Variants in NBN observed in about 807,000 individuals in gnomAD.
The protein encoded by NBN is nibrin, also known as Nijmegen breakage syndrome 1 (nibrin).
In NBN, 88 loss-of-function variants were observed where a neutral mutation model predicts 90.8. That is an observed-to-expected ratio of 0.97 (90% CI 0.82 to 1.16). The LOEUF is 1.16. Among genes scored for constraint, NBN ranks in the 50% most tolerant of loss-of-function variants. The pLI is 0.00. For missense variants in NBN, 894 were observed against 869.6 expected, an observed-to-expected ratio of 1.03 and a Z score of -0.35; for synonymous variants, 328 against 295.1, an observed-to-expected ratio of 1.11 and a Z score of -1.14.
intron 4 of NBN, among the ~76,000 whole-genome samples, chr8:89,979,402 A>G (rs1037291222): frequency 4.6e-5 from 7 of 152,262 alleles, no homozygotes; most frequent in Non-Finnish European, 1.0e-4. Flanking sequence ...ATAAACTAGC[A>G]TGAACCAGTA....
At position 89,982,829 on chromosome 8, in the gene NBN, C is replaced by T. The variant is rs369910645; in HGVS notation, c.64G>A (p.Val22Ile). 8 of 1,613,368 alleles carry T rather than the reference C, an allele frequency of 5.0e-6. No homozygotes were observed. Among genetic ancestry groups the T allele is most frequent in the Non-Finnish European group, 5.9e-6 (7 of 1,179,626 alleles). Residue 22 changes from valine (V) to isoleucine (I), a missense_variant, in exon 2 of 16, where the codon GTT becomes ATT. Transcript: ENST00000265433. Reference protein sequence around the residue: ...GGEPYRLLTGVEYVVGRKNCA... With the variant: ...GGEPYRLLTGIEYVVGRKNCA... ...TTTTTCCTTCCAACAACGTACTCAA[C>T]GCCAGTCAAAAGTCTGTATGGTTCT...
chr8:89,971,200 T>A lies in NBN; in HGVS notation c.675A>T (p.Lys225Asn). Reference sequence around the variant, plus strand: ...GTTTGGCATTCAAAAATATAAATGTTTTCCCTTTGAAGATTTGTTTTCTTT... The same window carrying A: ...GTTTGGCATTCAAAAATATAAATGTATTCCCTTTGAAGATTTGTTTTCTTT... ...RQERKQIFKG[K>N]TFIFLNAKQH... is the part of the protein sequence containing the mutation. Residue 225 changes from lysine to asparagine, a missense_variant, in exon 6 of 16, where the codon AAA (lysine) becomes AAT (asparagine). By Grantham distance (94) the Lys-to-Asn change is moderately conservative. Coordinates refer to ENST00000265433, the MANE Select transcript of NBN (RefSeq NM_002485.5). 1.9e-6 allele frequency: 3 copies of A among 1,613,102 alleles called. No individual in the cohort carries two copies. Among genetic ancestry groups the A allele is most frequent in the Non-Finnish European group, 2.5e-6 (3 of 1,179,408 alleles).
intron 5 of NBN, 88 bp from the exon 6 acceptor site, chr8:89,971,378 G>C: frequency 1.4e-6 from 2 of 1,414,362 alleles, no homozygotes; most frequent in Non-Finnish European, 1.9e-6. Flanking sequence ...ACACTCAAAA[G>C]GCATAATTTC....
chr8:89,958,009 C>A (rs1327178116), intron 9 of NBN, among the ~76,000 whole-genome samples: 1 of 152,164 alleles, frequency 6.6e-6, no homozygotes, highest in Non-Finnish European at 1.5e-5. Context: ...TTTCCTGCAA[C>A]TAGTCAGTCC....
intron 5 of NBN, among the ~76,000 whole-genome samples, chr8:89,972,308 G>T (rs1390652759): frequency 6.6e-6 from 1 of 152,188 alleles, no homozygotes; most frequent in Non-Finnish European, 1.5e-5. Flanking sequence ...GATAACTGAT[G>T]CATGTATTTT....
intron 14 of NBN, among the ~76,000 whole-genome samples, chr8:89,938,152 A>C (rs968962967): frequency 6.6e-6 from 1 of 152,120 alleles, no homozygotes; most frequent in Non-Finnish European, 1.5e-5. Flanking sequence ...TTCTGTTATA[A>C]TTATTTATAT....
chr8:89,933,509 T>C lies in NBN; in HGVS notation c.*2073A>G, dbSNP rs938048531. On this transcript the variant is annotated 3_prime_UTR_variant, in exon 16 of 16. Transcript: ENST00000265433. Reference sequence around the variant, plus strand: ...TTATGGTTAATTGATTTTTTACTAATTGGCAAGGTAATTTAATGAGGAAAG... The same window carrying C: ...TTATGGTTAATTGATTTTTTACTAACTGGCAAGGTAATTTAATGAGGAAAG... 2 of 230,686 alleles carry C rather than the reference T, an allele frequency of 8.7e-6. No homozygotes were observed. Among genetic ancestry groups the C allele is most frequent in the African/African-American group, 2.2e-5 (1 of 45,160 alleles). 14.3% of individuals were successfully genotyped at this position (230,686 alleles called of 1,614,324 possible).
intron 6 of NBN, 65 bp from the exon 7 acceptor site, chr8:89,970,622 G>C: frequency 6.9e-7 from 1 of 1,456,310 alleles, no homozygotes; most frequent in Non-Finnish European, 9.6e-7. Flanking sequence ...ATAAGAATTT[G>C]ATTTGGGAAA....
In NBN at chr8:89,953,605, G is replaced by A. The variant is rs863224714; in HGVS notation, c.1484C>T (p.Pro495Leu). The change falls in exon 11 of 16, where the codon CCT (proline) becomes CTT (leucine). Residue 495 changes from proline to leucine, a missense_variant. Coordinates refer to ENST00000265433, the MANE Select transcript of NBN (RefSeq NM_002485.5). The part of the protein sequence containing the change: ...TSCSLLEQTQ[P>L]ATPSLWKNKE... Reference sequence around the variant, plus strand: ...ATTTTTCCACAATGAGGGTGTAGCAGGTTGTGTTTGTTCTAAAAGAGAACA... The same window carrying A: ...ATTTTTCCACAATGAGGGTGTAGCAAGTTGTGTTTGTTCTAAAAGAGAACA... The A allele has an allele frequency of 1.1e-5, 17 of 1,613,292 alleles. No individual in the cohort carries two copies. The highest frequency in any genetic ancestry group is 1.4e-5 in the Non-Finnish European group (17 of 1,179,646).
rs569798714 is a variant in NBN, at chr8:89,950,550, G to A, written c.1846-2658C>T. 2.4e-4 allele frequency among the ~76,000 whole-genome samples: 36 copies of A among 152,052 alleles called. No individual in the cohort carries two copies. The South Asian group carries it at 3.1e-3, about 13-fold the overall frequency. ...CAACTGTATCTCAATGAGAGATACC[G>A]CAATTAAATTGCTATTCTTTCTCCA... is the stretch of plus-strand genomic sequence containing the variant. On this transcript the variant is annotated intron_variant, in intron 11 of 15. Coordinates refer to ENST00000265433, the MANE Select transcript of NBN (RefSeq NM_002485.5).
intron 7 of NBN, among the ~76,000 whole-genome samples, chr8:89,967,978 C>T (rs1811329559): frequency 1.3e-5 from 2 of 152,180 alleles, no homozygotes; most frequent in African/African-American, 4.8e-5. Flanking sequence ...CATATTGTGG[C>T]CAGGTGTGGT....
Position 89,935,412 on chromosome 8 carries a change from A to G in NBN, c.*170T>C. On this transcript the variant is annotated 3_prime_UTR_variant, in exon 16 of 16. Transcript: ENST00000265433. ...ACAAAGCCTGAAAACAGAACAAACA[A>G]TTGTTACATACAAAAGAATCAAAGT... is the stretch of plus-strand genomic sequence containing the variant. 1 of 731,734 alleles carries G rather than the reference A, an allele frequency of 1.4e-6. No individual in the cohort carries two copies. Among genetic ancestry groups the G allele is most frequent in the Non-Finnish European group, 2.2e-6 (1 of 447,064 alleles). The allele number at this position is 731,734 out of a possible 1,614,324, so 45.3% of individuals were successfully genotyped here. A position where few individuals can be genotyped will look rare whatever the true frequency, so the allele number is the denominator to read the frequency against.
chr8:89,948,060 A>G (rs1421874688), intron 11 of NBN, 168 bp from the exon 12 acceptor site: 1 of 153,122 alleles, frequency 6.5e-6, no homozygotes, highest in Non-Finnish European at 1.5e-5. Context: ...CTGTCTTTCC[A>G]AAAGAAATTA....
chr8:89,949,040 T>C (rs1427710950), intron 11 of NBN, among the ~76,000 whole-genome samples: 1 of 152,226 alleles, frequency 6.6e-6, no homozygotes, highest in Non-Finnish European at 1.5e-5. Flanking sequence ...CACCAAGTCT[T>C]GGGGATTCTA....
rs1409617560 is a variant in NBN, at chr8:89,980,811, G to C, written c.403C>G (p.Leu135Val). ...CAATTGTTTACAGTAAATCCTCCAA[G>C]TTGCAATATAGCTTGATTTAAAGCA... ...KTALNQAILQ[L>V]GGFTVNNWTE... The change falls in exon 4 of 16, where the codon CTT becomes GTT. Residue 135 changes from leucine (L) to valine (V), a missense_variant. By Grantham distance (32) the Leu-to-Val change is conservative (BLOSUM62 1). Transcript: ENST00000265433. 6.2e-7 allele frequency: 1 copy of C among 1,613,156 alleles called. No homozygotes were observed. Among genetic ancestry groups the C allele is most frequent in the East Asian group, 2.2e-5 (1 of 44,794 alleles).
intron 8 of NBN, among the ~76,000 whole-genome samples, chr8:89,963,523 A>G (rs1387904546): frequency 6.6e-6 from 1 of 152,242 alleles, no homozygotes; most frequent in Non-Finnish European, 1.5e-5. Flanking sequence ...GTAAAAAAGC[A>G]AGAAGAAAAG....
At chr8:89,938,017 G>A (rs978799846) in intron 14 of NBN, among the ~76,000 whole-genome samples, 2 of 151,990 alleles carry the variant, frequency 1.3e-5, no homozygotes, top group African/African-American at 4.8e-5. Flanking sequence ...ATGTTTCAAG[G>A]AACATGTTCT....
rs1805838 is a variant in NBN, at chr8:89,979,938, C to T, written c.480+796G>A. Among the ~76,000 whole-genome samples the T allele has an allele frequency of 8.8e-3, 1,340 of 152,276 alleles. 9 individuals carry two copies. Among genetic ancestry groups the T allele is most frequent in the Admixed American group, 0.015 (232 of 15,290 alleles). On this transcript the variant is annotated intron_variant, in intron 4 of 15. Transcript: ENST00000265433. ...TATCTTAAAGAGGACTGTGCTAGGG[C>T]CCACACTTAAATATTCTGGTAAAGG...
chr8:89,935,943 A>T lies in NBN; in HGVS notation c.2235-331T>A, dbSNP rs934283468. The T allele has an allele frequency of 1.7e-5, 6 of 344,196 alleles. No homozygotes were observed. The East Asian group carries it at 2.2e-4, about 12-fold the overall frequency. The allele number at this position is 344,196 out of a possible 1,614,324, so 21.3% of individuals were successfully genotyped here. ...AAAGATCCCCATTCCTCCCCATAAT[A>T]AAAGCATATCATTTGCACAAAAGAG... On this transcript the variant is annotated intron_variant, in intron 15 of 15. Transcript: ENST00000265433.
Sources: allele counts gnomAD v4.1 joint callset (sites outside exome capture counted in the v4.1 genomes callset), GRCh38; gene constraint gnomAD v4.1.1; transcripts MANE v1.5; gene names NCBI Gene and HGNC (gene_info 2026-07-23, HGNC 2026-07-21).